The following ERBB4 variants were observed in gnomAD, a reference collection of about 807,000 sequenced individuals.
ERBB4 encodes erb-b2 receptor tyrosine kinase 4, also known as receptor tyrosine-protein kinase erbB-4.
ERBB4 carries 42 observed loss-of-function variants against 158.0 expected under a neutral mutation model. That is an observed-to-expected ratio of 0.27 (90% CI 0.21 to 0.34). ERBB4 has a LOEUF of 0.34. Ranked by LOEUF, ERBB4 falls within the 10% of genes least tolerant of loss-of-function variation. The pLI, the probability that ERBB4 is intolerant of heterozygous loss-of-function variation, is 1.00. For missense variants in ERBB4, 1,333 were observed against 1,624.1 expected (o/e 0.82, Z 3.08); for synonymous variants, 583 against 558.7 (o/e 1.04, Z -0.61).
chr2:211,971,792 C>A (rs981760480), intron 2 of ERBB4, among the ~76,000 whole-genome samples: 3 of 151,994 alleles, frequency 2.0e-5, no homozygotes, highest in African/African-American at 7.2e-5. Context: ...GAACTAAAGG[C>A]AAAAATTACA....
intron 2 of ERBB4, among the ~76,000 whole-genome samples, chr2:212,025,551 C>G (rs924842297): frequency 2.0e-5 from 3 of 151,698 alleles, no homozygotes; most frequent in African/African-American, 7.2e-5. Context: ...GTGAATAGTT[C>G]ATTTGAGCCT....
At chr2:211,625,965 A>G (rs1361926391) in intron 17 of ERBB4, among the ~76,000 whole-genome samples, 3 of 152,122 alleles carry the variant, frequency 2.0e-5, no homozygotes, top group Non-Finnish European at 4.4e-5. Flanking sequence ...AATATATTTC[A>G]CAAAAACATG....
intron 19 of ERBB4, among the ~76,000 whole-genome samples, chr2:211,595,831 CT>C (rs2125802425): frequency 6.6e-6 from 1 of 152,284 alleles, no homozygotes; most frequent in African/African-American, 2.4e-5. Context: ...TACGTGGGTT[CT>C]TCAGGCTGAC....
intron 20 of ERBB4, among the ~76,000 whole-genome samples, chr2:211,491,637 T>G (rs973439261): frequency 6.6e-6 from 1 of 152,078 alleles, no homozygotes; most frequent in Non-Finnish European, 1.5e-5. Flanking sequence ...AATAATAAAT[T>G]ATAAAGTTCT....
chr2:211,581,113 G>C (rs2068090963), intron 19 of ERBB4, among the ~76,000 whole-genome samples: 1 of 150,636 alleles, frequency 6.6e-6, no homozygotes, highest in Non-Finnish European at 1.5e-5. Context: ...TGGGGACTCA[G>C]GGGGAAAGGG....
At chr2:211,843,258 A>C (rs1443376729) in intron 3 of ERBB4, among the ~76,000 whole-genome samples, 1 of 152,154 alleles carries the variant, frequency 6.6e-6, no homozygotes, top group Non-Finnish European at 1.5e-5. Context: ...ATGTATCCTT[A>C]AATCAACTTT....
chr2:212,126,891 T>A (rs569227729), intron 1 of ERBB4, among the ~76,000 whole-genome samples: 2 of 152,292 alleles, frequency 1.3e-5, no homozygotes, highest in Admixed American at 6.5e-5. Context: ...TTTTTGCCTA[T>A]GAACACATCG....
chr2:211,878,244 TAA>T (rs1161628578), intron 3 of ERBB4, among the ~76,000 whole-genome samples: 1 of 152,178 alleles, frequency 6.6e-6, no homozygotes, highest in Admixed American at 6.5e-5. Flanking sequence ...CAGGAATCAG[TAA>T]AAAAGTTGCC....
chr2:212,230,279 T>C (rs541347564), intron 1 of ERBB4, among the ~76,000 whole-genome samples: 1 of 151,930 alleles, frequency 6.6e-6, no homozygotes, highest in East Asian at 1.9e-4. Flanking sequence ...CAAGACTCTG[T>C]CTTGAAAAAA....
In ERBB4 at chr2:212,376,337, T is replaced by C. The variant is rs2090320693; in HGVS notation, c.82+162112A>G. ...TCCAGTCAAAGCAAAAGTGGACCAG[T>C]CAAGAGCAAAGGTTGTGGCAACAGT... On this transcript the variant is annotated intron_variant, in intron 1 of 27. Coordinates refer to ENST00000342788, the MANE Select transcript of ERBB4 (RefSeq NM_005235.3). Among the ~76,000 whole-genome samples the C allele has an allele frequency of 2.6e-5, 4 of 152,188 alleles. No homozygotes were observed. In the South Asian group the frequency reaches 6.2e-4, roughly 24 times the overall value.
intron 20 of ERBB4, among the ~76,000 whole-genome samples, chr2:211,550,105 GACC>G (rs1267088212): frequency 6.6e-6 from 1 of 152,036 alleles, no homozygotes; most frequent in Non-Finnish European, 1.5e-5. Flanking sequence ...GTGAAATGCT[GACC>G]ACCATTAAGC....
chr2:212,529,440 T>C (rs1454909815), intron 1 of ERBB4, among the ~76,000 whole-genome samples: 1 of 152,094 alleles, frequency 6.6e-6, no homozygotes, highest in Non-Finnish European at 1.5e-5. Context: ...AACACACCAC[T>C]TGAAGAAATA....
intron 1 of ERBB4, among the ~76,000 whole-genome samples, chr2:212,251,803 C>T (rs143105369): frequency 6.6e-6 from 1 of 151,016 alleles, no homozygotes; most frequent in African/African-American, 2.5e-5. Context: ...TTTGAAGATC[C>T]ATTGCTGGCT....
At chr2:211,965,913 T>C (rs1267173936) in intron 2 of ERBB4, among the ~76,000 whole-genome samples, 1 of 152,178 alleles carries the variant, frequency 6.6e-6, no homozygotes, top group African/African-American at 2.4e-5. Flanking sequence ...TGTCAATTTT[T>C]AAAAATATTT....
intron 20 of ERBB4, among the ~76,000 whole-genome samples, chr2:211,515,311 T>C (rs954807752): frequency 3.3e-5 from 5 of 152,002 alleles, no homozygotes; most frequent in African/African-American, 7.2e-5. Context: ...ACAGAAGTAA[T>C]AGAAAACCCA....
chr2:212,434,739 T>C (rs931870180), intron 1 of ERBB4, among the ~76,000 whole-genome samples: 1 of 152,004 alleles, frequency 6.6e-6, no homozygotes, highest in Non-Finnish European at 1.5e-5. Flanking sequence ...TGTAATCTTA[T>C]AATATGGAAT....
intron 3 of ERBB4, among the ~76,000 whole-genome samples, chr2:211,944,225 C>CAA (rs200200333): frequency 2.6e-5 from 3 of 114,710 alleles, no homozygotes; most frequent in African/African-American, 1.2e-4. Flanking sequence ...CACACACACA[C>CAA]AAAAAAAAAG....
intron 1 of ERBB4, among the ~76,000 whole-genome samples, chr2:212,302,634 T>C (rs1379057000): frequency 6.6e-6 from 1 of 151,500 alleles, no homozygotes; most frequent in Non-Finnish European, 1.5e-5. Flanking sequence ...ATCTCAAAAG[T>C]CAAATAATTT....
chr2:211,854,296 G>A (rs1212853396), intron 3 of ERBB4, among the ~76,000 whole-genome samples: 1 of 144,778 alleles, frequency 6.9e-6, no homozygotes, highest in Non-Finnish European at 1.5e-5. Context: ...TATCATATGT[G>A]TAGTTTGGAT....
Sources: gnomAD v4.1 joint callset for allele counts (sites outside exome capture counted in the v4.1 genomes callset) on GRCh38, gnomAD v4.1.1 for gene constraint, MANE v1.5 for transcripts, NCBI Gene and HGNC (gene_info 2026-07-23, HGNC 2026-07-21) for gene names.